FHIT: variants seen among roughly 807,000 people sequenced by gnomAD.
The protein encoded by FHIT is fragile histidine triad diadenosine triphosphatase.
Under a neutral mutation model 17.9 loss-of-function variants are expected in FHIT, and 19 were observed. The observed-to-expected ratio is 1.06, with a 90% CI of 0.74 to 1.56. FHIT has a LOEUF of 1.56. FHIT is among the 40% of genes most tolerant of loss of function. The pLI is 0.00. For missense variants in FHIT, 248 were observed against 189.2 expected (o/e 1.31, Z -1.82); for synonymous variants, 81 against 69.7 (o/e 1.16, Z -0.81).
At chr3:60,267,887 A>C (rs77006939) in intron 5 of FHIT, among the ~76,000 whole-genome samples, 13,982 of 152,202 alleles carry the variant, frequency 0.092, 787 homozygotes, top group Non-Finnish European at 0.13. Context: ...ATAGTCTAAG[A>C]AGCTATTATG....
intron 3 of FHIT, among the ~76,000 whole-genome samples, chr3:61,020,402 A>C (rs1306084395): frequency 6.6e-6 from 1 of 151,816 alleles, no homozygotes; most frequent in Non-Finnish European, 1.5e-5. Flanking sequence ...TTTTCTTGTA[A>C]ATTTTTTTAA....
At chr3:60,472,000 T>C (rs1280296660) in intron 5 of FHIT, among the ~76,000 whole-genome samples, 1 of 152,180 alleles carries the variant, frequency 6.6e-6, no homozygotes, top group East Asian at 1.9e-4. Flanking sequence ...TGAGTTTTCA[T>C]CTTTTAAATC....
intron 5 of FHIT, among the ~76,000 whole-genome samples, chr3:60,465,801 T>C (rs908363808): frequency 2.6e-5 from 4 of 152,140 alleles, no homozygotes; most frequent in Non-Finnish European, 4.4e-5. Flanking sequence ...ATCTCTGTAG[T>C]ATAATTTGAA....
chr3:60,245,576 A>G (rs1322711540), intron 5 of FHIT, among the ~76,000 whole-genome samples: 2 of 152,150 alleles, frequency 1.3e-5, no homozygotes, highest in Admixed American at 1.3e-4. Flanking sequence ...TATTAGGGGA[A>G]AAACCTTTTT....
chr3:60,298,312 G>C (rs1052661250), intron 5 of FHIT, among the ~76,000 whole-genome samples: 5 of 152,000 alleles, frequency 3.3e-5, no homozygotes, highest in East Asian at 3.9e-4. Context: ...ATACCACATA[G>C]TTGGTTCTCC....
Position 61,198,852 on chromosome 3 carries a change from A to C in FHIT, c.-164+1765T>G, listed in dbSNP as rs189609574. ...AAGAATAGACTTATAAAAATGTATA[A>C]TGAATAAATTCATAAAGATGCTGTT... On this transcript the variant is annotated intron_variant, in intron 2 of 9. Transcript: ENST00000492590. 2.0e-5 allele frequency among the ~76,000 whole-genome samples: 3 copies of C among 152,090 alleles called. No homozygotes were observed. In the East Asian group the frequency reaches 5.8e-4, roughly 30 times the overall value.
chr3:60,769,679 T>C (rs1306403371), intron 4 of FHIT, among the ~76,000 whole-genome samples: 1 of 152,190 alleles, frequency 6.6e-6, no homozygotes, highest in Non-Finnish European at 1.5e-5. Flanking sequence ...TGGTTACAGC[T>C]CAGTGTTTGC....
chr3:60,985,943 C>T (rs1436948393), intron 3 of FHIT, among the ~76,000 whole-genome samples: 1 of 152,204 alleles, frequency 6.6e-6, no homozygotes, highest in East Asian at 1.9e-4. Context: ...TTCCTTGGCT[C>T]ATGGCCCTTC....
chr3:59,803,653 G>T (rs1386550822), intron 8 of FHIT, among the ~76,000 whole-genome samples: 1 of 152,238 alleles, frequency 6.6e-6, no homozygotes, highest in African/African-American at 2.4e-5. Flanking sequence ...AAGAAGTTCT[G>T]GACCTTTTCA....
At chr3:60,038,926 C>T (rs771625982) in intron 5 of FHIT, among the ~76,000 whole-genome samples, 24 of 152,220 alleles carry the variant, frequency 1.6e-4, no homozygotes, top group African/African-American at 4.8e-4. Context: ...ACTTAAATAA[C>T]GGTCATTATG....
chr3:61,086,090 C>T (rs2035297594), intron 2 of FHIT, among the ~76,000 whole-genome samples: 1 of 151,968 alleles, frequency 6.6e-6, no homozygotes, highest in Non-Finnish European at 1.5e-5. Flanking sequence ...ATGCTCATAT[C>T]TTTTTTTTCT....
At chr3:60,581,829 T>A (rs1231988389) in intron 4 of FHIT, among the ~76,000 whole-genome samples, 1 of 152,070 alleles carries the variant, frequency 6.6e-6, no homozygotes, top group Non-Finnish European at 1.5e-5. Context: ...TCAAAGATTC[T>A]TTTTTCATCA....
intron 4 of FHIT, among the ~76,000 whole-genome samples, chr3:60,772,053 A>G (rs2108075927): frequency 6.6e-6 from 1 of 152,296 alleles, no homozygotes; most frequent in Non-Finnish European, 1.5e-5. Context: ...GGTGGTGTAC[A>G]ATGATTGACA....
intron 5 of FHIT, among the ~76,000 whole-genome samples, chr3:60,357,045 G>C (rs1012072979): frequency 6.6e-6 from 1 of 152,072 alleles, no homozygotes; most frequent in Non-Finnish European, 1.5e-5. Flanking sequence ...ATACAGTCAG[G>C]TTCTAGTTCA....
At chr3:59,776,221 A>G (rs1702306602) in intron 8 of FHIT, among the ~76,000 whole-genome samples, 1 of 152,204 alleles carries the variant, frequency 6.6e-6, no homozygotes, top group Admixed American at 6.5e-5. Context: ...AGAGTCCCAT[A>G]GCTTTTCTGC....
At chr3:60,279,822 G>A (rs1040241950) in intron 5 of FHIT, among the ~76,000 whole-genome samples, 2 of 151,924 alleles carry the variant, frequency 1.3e-5, no homozygotes, top group Non-Finnish European at 2.9e-5. Context: ...AGGAGGTCAG[G>A]AGATCAAGAC....
intron 5 of FHIT, among the ~76,000 whole-genome samples, chr3:60,483,238 T>G (rs1028899107): frequency 5.3e-5 from 8 of 152,182 alleles, no homozygotes; most frequent in African/African-American, 1.9e-4. Context: ...ACAGCCAAAT[T>G]CTACCAGAGG....
At chr3:59,878,784 G>A (rs73100630) in intron 8 of FHIT, among the ~76,000 whole-genome samples, 3,324 of 152,266 alleles carry the variant, frequency 0.022, 45 homozygotes, top group South Asian at 0.063. Context: ...CGATATTGAC[G>A]CTAACGAGAA....
At chr3:61,146,793 A>ACT (rs2037238256) in intron 2 of FHIT, among the ~76,000 whole-genome samples, 1 of 152,054 alleles carries the variant, frequency 6.6e-6, no homozygotes, top group South Asian at 2.1e-4. Flanking sequence ...GAACTTATTA[A>ACT]AACTATTCAC....
Sources: gnomAD v4.1 joint callset for allele counts (sites outside exome capture counted in the v4.1 genomes callset) on GRCh38, gnomAD v4.1.1 for gene constraint, MANE v1.5 for transcripts, NCBI Gene and HGNC (gene_info 2026-07-23, HGNC 2026-07-21) for gene names.